The following QKI variants were observed in gnomAD, a reference collection of about 807,000 sequenced individuals.
QKI encodes the protein QKI, KH domain containing RNA binding.
In QKI, 10 loss-of-function variants were observed where a neutral mutation model predicts 39.0. The observed-to-expected ratio is 0.26, with a 90% CI of 0.16 to 0.43. QKI has a LOEUF of 0.43. Ranked by LOEUF, QKI falls within the 20% of genes least tolerant of loss-of-function variation. QKI has a pLI of 1.00. For missense variants in QKI, 218 were observed against 428.0 expected, an observed-to-expected ratio of 0.51 and a Z score of 4.33; for synonymous variants, 204 against 155.4, an observed-to-expected ratio of 1.31 and a Z score of -2.33.
intron 4 of QKI, among the ~76,000 whole-genome samples, chr6:163,554,970 A>G (rs1161007023): frequency 1.1e-4 from 16 of 152,206 alleles, no homozygotes; most frequent in East Asian, 3.9e-4. Flanking sequence ...GTTTAAGTCA[A>G]TCAAATTATC....
intron 1 of QKI, among the ~76,000 whole-genome samples, chr6:163,426,559 G>A (rs1189236354): frequency 6.6e-6 from 1 of 151,946 alleles, no homozygotes; most frequent in Non-Finnish European, 1.5e-5. Flanking sequence ...GTGCCCCATC[G>A]ACCAAAGGTG....
At chr6:163,445,776 A>G (rs1393654084) in intron 1 of QKI, among the ~76,000 whole-genome samples, 1 of 151,946 alleles carries the variant, frequency 6.6e-6, no homozygotes, top group Non-Finnish European at 1.5e-5. Context: ...CACCACGCCC[A>G]GCTAATTTTT....
intron 4 of QKI, among the ~76,000 whole-genome samples, chr6:163,550,672 C>T (rs978629658): frequency 3.3e-5 from 5 of 152,080 alleles, no homozygotes; most frequent in African/African-American, 1.2e-4. Flanking sequence ...TATGGCTGGG[C>T]GTGGTGGCTG....
intron 2 of QKI, among the ~76,000 whole-genome samples, chr6:163,477,333 A>G (rs1792702681): frequency 6.6e-6 from 1 of 152,090 alleles, no homozygotes; most frequent in South Asian, 2.1e-4. Flanking sequence ...CAGATTCCTG[A>G]TTACTGTTTT....
intron 3 of QKI, among the ~76,000 whole-genome samples, chr6:163,496,852 G>A (rs1225761200): frequency 1.3e-5 from 2 of 151,996 alleles, no homozygotes; most frequent in Non-Finnish European, 2.9e-5. Flanking sequence ...TAACCACTTG[G>A]CCCCCATAGA....
chr6:163,538,486 G>A (rs753743061), intron 4 of QKI, among the ~76,000 whole-genome samples: 39 of 152,196 alleles, frequency 2.6e-4, no homozygotes, highest in Non-Finnish European at 5.0e-4. Flanking sequence ...TTAATGAGCC[G>A]GCTGAAGAGC....
chr6:163,529,262 A>G (rs1273946412), intron 3 of QKI, among the ~76,000 whole-genome samples: 2 of 152,230 alleles, frequency 1.3e-5, no homozygotes, highest in Non-Finnish European at 1.5e-5. Flanking sequence ...AGGCACAGTA[A>G]TCATTAGTAC....
chr6:163,461,016 A>T (rs924993872), intron 2 of QKI, among the ~76,000 whole-genome samples: 1 of 152,218 alleles, frequency 6.6e-6, no homozygotes, highest in African/African-American at 2.4e-5. Context: ...AGTGATTCAG[A>T]TTACATATTA....
At chr6:163,432,818 TGTA>T (rs1177689033) in intron 1 of QKI, among the ~76,000 whole-genome samples, 3 of 152,206 alleles carry the variant, frequency 2.0e-5, no homozygotes, top group Admixed American at 2.0e-4. Flanking sequence ...CTGTACAGGT[TGTA>T]GTTTTATAGG....
At chr6:163,562,483 G>C (rs1432643587) in intron 5 of QKI, among the ~76,000 whole-genome samples, 2 of 152,142 alleles carry the variant, frequency 1.3e-5, no homozygotes, top group African/African-American at 4.8e-5. Flanking sequence ...GTTGAGTTCT[G>C]TCCTTTCACT....
chr6:163,420,791 A>G (rs940411552), intron 1 of QKI, among the ~76,000 whole-genome samples: 2 of 152,228 alleles, frequency 1.3e-5, no homozygotes, highest in African/African-American at 2.4e-5. Flanking sequence ...ACAACTAACA[A>G]TAAACTTTTA....
At chr6:163,491,315 G>A (rs1411224203) in intron 3 of QKI, among the ~76,000 whole-genome samples, 1 of 152,136 alleles carries the variant, frequency 6.6e-6, no homozygotes, top group Non-Finnish European at 1.5e-5. Flanking sequence ...AATGCTCAAA[G>A]AGTTTCTGAA....
rs1177233122 is a variant in QKI, at chr6:163,572,527, G to GC, written c.*1818dup. 1 of 151,206 alleles carries GC rather than the reference G, an allele frequency of 6.6e-6. No individual in the cohort carries two copies. Among genetic ancestry groups the GC allele is most frequent in the African/African-American group, 2.4e-5 (1 of 41,052 alleles). 9.4% of individuals were successfully genotyped at this position (151,206 alleles called of 1,614,324 possible). A position where few individuals can be genotyped will look rare whatever the true frequency, so the allele number is the denominator to read the frequency against. ...CATATAAATACTCAACCACATTTCA[G>GC]CTTAAGCTTCTAATTTCTCAAGAAG... On this transcript the variant is annotated 3_prime_UTR_variant, in exon 8 of 8. Transcript: ENST00000361752.
intron 1 of QKI, among the ~76,000 whole-genome samples, chr6:163,428,749 T>G (rs1398733159): frequency 6.7e-6 from 1 of 148,594 alleles, no homozygotes; most frequent in Non-Finnish European, 1.5e-5. Context: ...ATATTGAGCT[T>G]TTTTTTTTTT....
chr6:163,567,941 T>C (rs1039859997), intron 7 of QKI: 3 of 985,238 alleles, frequency 3.0e-6, no homozygotes, highest in African/African-American at 1.7e-5. Context: ...AGAAATAACA[T>C]GCCTTTCCCA....
intron 1 of QKI, among the ~76,000 whole-genome samples, chr6:163,450,160 C>T (rs1431919476): frequency 1.3e-5 from 2 of 152,058 alleles, no homozygotes; most frequent in African/African-American, 2.4e-5. Context: ...CGAGTTTAAG[C>T]AATTCTCCTG....
intron 2 of QKI, among the ~76,000 whole-genome samples, chr6:163,472,453 A>T (rs1792276982): frequency 6.6e-6 from 1 of 152,100 alleles, no homozygotes. Flanking sequence ...TTGTGGAAAA[A>T]TGTTCTGTAA....
chr6:163,470,512 T>A (rs1193955783), intron 2 of QKI, among the ~76,000 whole-genome samples: 1 of 152,108 alleles, frequency 6.6e-6, no homozygotes, highest in East Asian at 1.9e-4. Flanking sequence ...TTTAGTTAAG[T>A]GTATTGTCTG....
intron 4 of QKI, among the ~76,000 whole-genome samples, chr6:163,541,883 G>T (rs1781544393): frequency 6.6e-6 from 1 of 151,772 alleles, no homozygotes; most frequent in African/African-American, 2.4e-5. Flanking sequence ...CTTTGTAAAG[G>T]TAGTAATTAT....
Sources: gnomAD v4.1 joint callset for allele counts (sites outside exome capture counted in the v4.1 genomes callset) on GRCh38, gnomAD v4.1.1 for gene constraint, MANE v1.5 for transcripts, NCBI Gene and HGNC (gene_info 2026-07-23, HGNC 2026-07-21) for gene names.